The following NEK11 variants were observed in gnomAD, a reference collection of about 807,000 sequenced individuals.
The protein encoded by NEK11 is serine/threonine-protein kinase Nek11.
Under a neutral mutation model 80.7 loss-of-function variants are expected in NEK11, and 72 were observed. The ratio of observed to expected loss-of-function variants is 0.89; its 90% CI spans 0.74 to 1.08. The LOEUF (loss-of-function observed/expected upper bound fraction) is 1.08, where lower values mean the gene tolerates loss of function less well. Ranked by LOEUF, NEK11 falls within the 50% of genes least tolerant of loss-of-function variation. The pLI is 0.00. For synonymous variants in NEK11, 251 were observed against 260.7 expected, an observed-to-expected ratio of 0.96 and a Z score of 0.36; for missense variants, 764 against 763.6, an observed-to-expected ratio of 1.00 and a Z score of -0.01.
rs1399985939 is a variant in NEK11, at chr3:131,121,671, A to G, written c.456-11074A>G. 2.0e-5 allele frequency among the ~76,000 whole-genome samples: 3 copies of G among 152,036 alleles called. No individual in the cohort carries two copies. In the East Asian group the frequency reaches 5.8e-4, roughly 29 times the overall value. On this transcript the variant is annotated intron_variant, in intron 5 of 17. Coordinates refer to ENST00000383366, the MANE Select transcript of NEK11 (RefSeq NM_024800.5). Reference sequence around the variant, plus strand: ...TCCAGGCCACTTTGTTTACCTACTCAAGCCTCAATAATGGTGGACGCCCCT... The same window carrying G: ...TCCAGGCCACTTTGTTTACCTACTCGAGCCTCAATAATGGTGGACGCCCCT...
At chr3:131,234,400 G>A (rs1027162543) in intron 15 of NEK11, among the ~76,000 whole-genome samples, 1 of 152,064 alleles carries the variant, frequency 6.6e-6, no homozygotes, top group African/African-American at 2.4e-5. Context: ...GTCTTAAATC[G>A]ACCTTAGAGG....
intron 16 of NEK11, among the ~76,000 whole-genome samples, chr3:131,243,822 T>C (rs2095554913): frequency 2.0e-5 from 3 of 152,088 alleles, no homozygotes; most frequent in Admixed American, 2.0e-4. Context: ...ACTTGTCTTT[T>C]AGAAGCAGAG....
intron 17 of NEK11, among the ~76,000 whole-genome samples, chr3:131,317,630 C>G (rs965810947): frequency 6.6e-6 from 1 of 151,368 alleles, no homozygotes; most frequent in East Asian, 1.9e-4. Flanking sequence ...TGTGGTGGCT[C>G]GTGCTTGTAA....
chr3:131,212,713 G>A (rs1647228967), intron 14 of NEK11, among the ~76,000 whole-genome samples: 2 of 152,176 alleles, frequency 1.3e-5, no homozygotes, highest in Non-Finnish European at 2.9e-5. Flanking sequence ...GACTTTTGCA[G>A]CCTGCATGGA....
intron 3 of NEK11, among the ~76,000 whole-genome samples, chr3:131,077,057 G>A (rs1208747591): frequency 6.6e-6 from 1 of 152,132 alleles, no homozygotes; most frequent in Non-Finnish European, 1.5e-5. Flanking sequence ...ATTAGCCATA[G>A]TTATCCCGAA....
chr3:131,067,891 A>G (rs2072335123), intron 3 of NEK11, among the ~76,000 whole-genome samples: 1 of 152,242 alleles, frequency 6.6e-6, no homozygotes, highest in African/African-American at 2.4e-5. Context: ...TTTTCTTCAT[A>G]GTATTTTAAA....
chr3:131,071,358 G>C (rs2073264628), intron 3 of NEK11, among the ~76,000 whole-genome samples: 1 of 151,978 alleles, frequency 6.6e-6, no homozygotes, highest in Non-Finnish European at 1.5e-5. Flanking sequence ...GCAGGAGAGA[G>C]TGAAAACCAA....
chr3:131,174,735 C>A, intron 14 of NEK11: 1 of 1,598,290 alleles, frequency 6.3e-7, no homozygotes, highest in Non-Finnish European at 8.5e-7. Flanking sequence ...CTTCTTTGTA[C>A]TCTAGCATTT....
At chr3:131,191,276 G>A (rs1274955629) in intron 14 of NEK11, among the ~76,000 whole-genome samples, 1 of 152,182 alleles carries the variant, frequency 6.6e-6, no homozygotes, top group East Asian at 1.9e-4. Context: ...AAAAGTCCAA[G>A]ATTGGTCTCA....
chr3:131,148,195 ACT>A (rs1443352574), intron 7 of NEK11, among the ~76,000 whole-genome samples: 1 of 151,158 alleles, frequency 6.6e-6, no homozygotes, highest in African/African-American at 2.4e-5. Context: ...TATTAAGTCA[ACT>A]CTGTATTTCT....
chr3:131,219,793 C>T (rs1045153613), intron 14 of NEK11, among the ~76,000 whole-genome samples: 4 of 152,220 alleles, frequency 2.6e-5, no homozygotes, highest in African/African-American at 9.7e-5. Context: ...CTTAATACAG[C>T]AGCCAACATG....
At chr3:131,261,713 T>A (rs557636757) in intron 16 of NEK11, among the ~76,000 whole-genome samples, 1 of 152,276 alleles carries the variant, frequency 6.6e-6, no homozygotes, top group African/African-American at 2.4e-5. Context: ...CCATACATAG[T>A]ATAGTGTCTT....
chr3:131,349,152 C>T (rs1351061064), intron 17 of NEK11, among the ~76,000 whole-genome samples: 1 of 152,134 alleles, frequency 6.6e-6, no homozygotes, highest in East Asian at 1.9e-4. Context: ...GACACTTCCT[C>T]AGAAGGATTT....
intron 17 of NEK11, among the ~76,000 whole-genome samples, chr3:131,323,000 T>C (rs930725498): frequency 3.3e-5 from 5 of 152,350 alleles, no homozygotes; most frequent in Admixed American, 3.3e-4. Flanking sequence ...TCACATCTTA[T>C]GTCTGAAAGC....
At chr3:131,075,184 G>A (rs1317207126) in intron 3 of NEK11, among the ~76,000 whole-genome samples, 1 of 152,150 alleles carries the variant, frequency 6.6e-6, no homozygotes, top group Admixed American at 6.5e-5. Context: ...ATGAATTAGA[G>A]AGTTCTAACC....
chr3:131,336,146 A>G (rs2097179727), intron 17 of NEK11, among the ~76,000 whole-genome samples: 1 of 152,184 alleles, frequency 6.6e-6, no homozygotes, highest in African/African-American at 2.4e-5. Context: ...ACCAAAAAAG[A>G]GCCCGCATCA....
chr3:131,298,465 C>G (rs777669566), intron 17 of NEK11, among the ~76,000 whole-genome samples: 4 of 152,008 alleles, frequency 2.6e-5, no homozygotes, highest in Non-Finnish European at 5.9e-5. Context: ...GGCTCTCTGT[C>G]AGCCCAAAAT....
intron 16 of NEK11, among the ~76,000 whole-genome samples, chr3:131,248,449 T>C (rs1176664255): frequency 6.6e-6 from 1 of 152,100 alleles, no homozygotes; most frequent in East Asian, 1.9e-4. Flanking sequence ...AATAATCATA[T>C]CATGGAAGCT....
intron 11 of NEK11, among the ~76,000 whole-genome samples, chr3:131,162,933 T>C (rs923551123): frequency 1.3e-5 from 2 of 152,192 alleles, no homozygotes; most frequent in African/African-American, 2.4e-5. Context: ...GGAGACTTTA[T>C]TGGCAGGAAA....
Sources: gnomAD v4.1 joint callset for allele counts (sites outside exome capture counted in the v4.1 genomes callset) on GRCh38, gnomAD v4.1.1 for gene constraint, MANE v1.5 for transcripts, NCBI Gene and HGNC (gene_info 2026-07-23, HGNC 2026-07-21) for gene names.